CELF2: variants seen among roughly 807,000 people sequenced by gnomAD.
CELF2 encodes CUG triplet repeat RNA-binding protein 2.
Under a neutral mutation model 62.6 loss-of-function variants are expected in CELF2, and 8 were observed. The observed-to-expected ratio is 0.13, with a 90% CI of 0.07 to 0.23. The LOEUF is 0.23. CELF2 is among the 10% of genes least tolerant of loss of function. The pLI, the probability that CELF2 is intolerant of heterozygous loss-of-function variation, is 1.00. For synonymous variants in CELF2, 258 were observed against 250.0 expected (o/e 1.03, Z -0.30); for missense variants, 333 against 671.0 (o/e 0.50, Z 5.56).
chr10:10,670,255 T>C, the CELF2 span, among the ~76,000 whole-genome samples: 2 of 152,122 alleles, frequency 1.3e-5, no homozygotes, highest in East Asian at 3.9e-4. Context: ...TGAATTAAAC[T>C]CAACTGATTT....
chr10:11,136,251 A>G (rs994367333), intron 1 of CELF2, among the ~76,000 whole-genome samples: 1 of 152,200 alleles, frequency 6.6e-6, no homozygotes, highest in South Asian at 2.1e-4. Flanking sequence ...GATAGAGAAT[A>G]TAGCATGGTT....
chr10:11,203,657 T>C (rs1396229317), intron 2 of CELF2, among the ~76,000 whole-genome samples: 1 of 152,212 alleles, frequency 6.6e-6, no homozygotes, highest in Non-Finnish European at 1.5e-5. Context: ...TAAGATCTTT[T>C]TTCTGTCTTC....
At chr10:10,631,833 C>A in the CELF2 span, among the ~76,000 whole-genome samples, 1 of 152,076 alleles carries the variant, frequency 6.6e-6, no homozygotes, top group Non-Finnish European at 1.5e-5. Flanking sequence ...GCAGAGATAC[C>A]AGTTAATGAC....
intron 9 of CELF2, among the ~76,000 whole-genome samples, chr10:11,304,555 A>C (rs1456817551): frequency 6.6e-6 from 1 of 151,856 alleles, no homozygotes; most frequent in African/African-American, 2.4e-5. Flanking sequence ...AGTGCGGGGC[A>C]TCACATGGCC....
At chr10:10,802,065 C>G (rs1357125730) in intron 1 of CELF2, among the ~76,000 whole-genome samples, 1 of 152,088 alleles carries the variant, frequency 6.6e-6, no homozygotes, top group Non-Finnish European at 1.5e-5. Flanking sequence ...CCATTTGACT[C>G]CTCGGAAAGT....
At chr10:11,275,948 G>T (rs183431027) in intron 8 of CELF2, among the ~76,000 whole-genome samples, 1 of 152,154 alleles carries the variant, frequency 6.6e-6, no homozygotes, top group Admixed American at 6.5e-5. Flanking sequence ...CCAAAAAGGT[G>T]GGGGGAGAGA....
chr10:11,146,665 T>A (rs1000827966), intron 1 of CELF2, among the ~76,000 whole-genome samples: 1 of 152,234 alleles, frequency 6.6e-6, no homozygotes, highest in Admixed American at 6.5e-5. Context: ...GATTTGTTAC[T>A]ATATACCATT....
chr10:10,988,283 A>C (rs899893390), intron 2 of CELF2, among the ~76,000 whole-genome samples: 7 of 149,600 alleles, frequency 4.7e-5, no homozygotes, highest in Admixed American at 2.0e-4. Flanking sequence ...GTGTGTATAT[A>C]TATATATATA....
rs935289191 is a variant in CELF2 at position 10,902,504 on chromosome 10, T to C, written c.54-17460T>C. 2.0e-5 allele frequency among the ~76,000 whole-genome samples: 3 copies of C among 152,174 alleles called. No individual in the cohort carries two copies. The South Asian group carries it at 6.2e-4, about 32-fold the overall frequency. ...AAAGACGCCAGGCCAAAAACATGGA[T>C]ACATACCATAGGATTCTATTTATGT... On this transcript the variant is annotated intron_variant, in intron 1 of 13. Transcript: ENST00000636488.
At chr10:11,249,578 A>G (rs1280358635) in intron 4 of CELF2, among the ~76,000 whole-genome samples, 2 of 151,358 alleles carry the variant, frequency 1.3e-5, no homozygotes, top group East Asian at 3.9e-4. Flanking sequence ...CCCATGAAGA[A>G]TTAGGCTTTC....
the CELF2 span, among the ~76,000 whole-genome samples, chr10:10,669,209 A>G: frequency 6.6e-6 from 1 of 152,240 alleles, no homozygotes; most frequent in Non-Finnish European, 1.5e-5. Context: ...CTGAACTTCC[A>G]TTTCTATGCC....
the CELF2 span, among the ~76,000 whole-genome samples, chr10:10,704,072 T>G: frequency 6.6e-6 from 1 of 152,262 alleles, no homozygotes; most frequent in Non-Finnish European, 1.5e-5. Flanking sequence ...TTCAGTACTC[T>G]GTAAGCCAGA....
intron 1 of CELF2, among the ~76,000 whole-genome samples, chr10:11,140,602 G>GA (rs2061184759): frequency 1.3e-5 from 2 of 152,008 alleles, no homozygotes; most frequent in South Asian, 2.1e-4. Context: ...TGGTATATTG[G>GA]AAAAAAGTAC....
At chr10:11,141,220 G>T (rs2061309120) in intron 1 of CELF2, among the ~76,000 whole-genome samples, 1 of 152,120 alleles carries the variant, frequency 6.6e-6, no homozygotes. Context: ...AACCTATGCT[G>T]GGGTTACTGG....
rs898539612 is a variant in CELF2 at position 11,330,309 on chromosome 10, G to T, written c.*1256G>T. 6.6e-6 allele frequency: 1 copy of T among 152,584 alleles called. No homozygotes were observed. The highest frequency in any genetic ancestry group is 1.5e-5 in the Non-Finnish European group (1 of 68,040). 9.5% of individuals were successfully genotyped at this position (152,584 alleles called of 1,614,324 possible). A position where few individuals can be genotyped will look rare whatever the true frequency, so the allele number is the denominator to read the frequency against. On this transcript the variant is annotated 3_prime_UTR_variant, in exon 13 of 13. Coordinates refer to ENST00000633077, the MANE Select transcript of CELF2 (RefSeq NM_001326342.2). The surrounding 1 kb of genome is among the most constrained non-coding windows in gnomAD (Gnocchi z 4.5). ...TTTCATTGTGCTGTGGATAAGGAGT[G>T]TAAGAAATGCAAATTATGTGAATGG...
At chr10:11,044,792 A>G (rs535419234) in intron 1 of CELF2, among the ~76,000 whole-genome samples, 44 of 152,336 alleles carry the variant, frequency 2.9e-4, no homozygotes, top group Non-Finnish European at 4.7e-4. Context: ...TTGTAGTTTT[A>G]TAATATCCAA....
intron 1 of CELF2, among the ~76,000 whole-genome samples, chr10:10,823,035 G>A (rs950481893): frequency 6.6e-6 from 1 of 152,142 alleles, no homozygotes; most frequent in African/African-American, 2.4e-5. Flanking sequence ...TTAGATATAT[G>A]TGGGTTATTG....
chr10:11,238,685 C>T (rs930851228), intron 3 of CELF2, among the ~76,000 whole-genome samples: 3 of 152,152 alleles, frequency 2.0e-5, no homozygotes, highest in East Asian at 3.8e-4. Context: ...GGTTAAAAAA[C>T]GGCATCAGTT....
rs1449086331 is a variant in CELF2, at chr10:11,257,848, C to T, written c.514C>T (p.Arg172Trp). Residue 172 changes from arginine to tryptophan, a missense_variant, in exon 5 of 13, where the codon CGG becomes TGG. Around this residue, in one of 3 missense-constraint regions of CELF2, gnomAD observed 253 missense variants for 503.0 expected, o/e 0.50. Coordinates refer to ENST00000633077, the MANE Select transcript of CELF2 (RefSeq NM_001326342.2). ...CCAGATAGAAGAATGCCGGATCCTC[C>T]GGGGACCTGATGGGCTGAGTCGAGG... is the stretch of plus-strand genomic sequence containing the variant. The part of the protein sequence containing the change: ...FGQIEECRIL[R>W]GPDGLSRGCA... 2.5e-6 allele frequency: 4 copies of T among 1,614,166 alleles called. No individual in the cohort carries two copies. The highest frequency in any genetic ancestry group is 3.4e-6 in the Non-Finnish European group (4 of 1,180,024).
Sources: gnomAD v4.1 joint callset for allele counts (sites outside exome capture counted in the v4.1 genomes callset) on GRCh38, gnomAD v4.1.1 for gene constraint, gnomAD v4.1.1 regional missense constraint, Gnocchi (gnomAD v3.1) non-coding constraint, MANE v1.5 for transcripts, NCBI Gene and HGNC (gene_info 2026-07-23, HGNC 2026-07-21) for gene names.